DCBLD2: variants seen among roughly 807,000 people sequenced by gnomAD.
DCBLD2 encodes the protein discoidin, CUB and LCCL domain-containing protein 2.
In DCBLD2, 54 loss-of-function variants were observed where a neutral mutation model predicts 86.8. The observed-to-expected ratio is 0.62, with a 90% confidence interval of 0.50 to 0.78. The LOEUF (loss-of-function observed/expected upper bound fraction) is 0.78, where lower values mean the gene tolerates loss of function less well. DCBLD2 is among the 30% of genes least tolerant of loss of function. DCBLD2 has a pLI of 0.00. For missense variants in DCBLD2, 908 were observed against 954.2 expected (o/e 0.95, Z 0.64); for synonymous variants, 354 against 341.3 (o/e 1.04, Z -0.41).
chr3:98,803,079 T>G (rs937684873), intron 13 of DCBLD2, among the ~76,000 whole-genome samples: 15 of 152,330 alleles, frequency 9.8e-5, no homozygotes, highest in Non-Finnish European at 1.8e-4. Context: ...TTTCCAATTT[T>G]GTGAAGAAAG....
At chr3:98,859,539 T>C (rs1262630111) in intron 2 of DCBLD2, among the ~76,000 whole-genome samples, 1 of 152,142 alleles carries the variant, frequency 6.6e-6, no homozygotes, top group East Asian at 1.9e-4. Flanking sequence ...TCCAGAGGAA[T>C]GATCAGGCAG....
chr3:98,881,917 A>T, intron 1 of DCBLD2, 150 bp from the exon 2 acceptor site: 2 of 770,266 alleles, frequency 2.6e-6, no homozygotes, highest in Non-Finnish European at 4.1e-6. Flanking sequence ...TGGACAAATA[A>T]TTGTACATAC....
chr3:98,828,057 A>C (rs828623), intron 3 of DCBLD2, among the ~76,000 whole-genome samples: 147,946 of 152,278 alleles, frequency 0.97, 72,032 homozygotes, highest in East Asian at 1. Flanking sequence ...CCGTACCTCA[A>C]ACTACATACA....
chr3:98,887,309 A>G (rs1943580711), intron 1 of DCBLD2, among the ~76,000 whole-genome samples: 1 of 151,994 alleles, frequency 6.6e-6, no homozygotes, highest in South Asian at 2.1e-4. Context: ...ACGAAACAGA[A>G]AAGTGTTCAG....
At chr3:98,870,806 A>AAAGAAAGAAAGGAAGAAAGAAAGG (rs1559794673) in intron 2 of DCBLD2, among the ~76,000 whole-genome samples, 3 of 123,300 alleles carry the variant, frequency 2.4e-5, no homozygotes, top group African/African-American at 3.1e-5. Context: ...AGAAAGAAAG[A>AAAGAAAGAAAGGAAGAAAGAAAGG]AAGAAAGGTA....
At chr3:98,867,971 T>G (rs142772410) in intron 2 of DCBLD2, among the ~76,000 whole-genome samples, 2,602 of 152,050 alleles carry the variant, frequency 0.017, 35 homozygotes, top group Middle Eastern at 0.054. Flanking sequence ...CCCGGCTACT[T>G]TTTTTGTATT....
At chr3:98,846,162 G>A (rs1385567485) in intron 3 of DCBLD2, among the ~76,000 whole-genome samples, 1 of 152,152 alleles carries the variant, frequency 6.6e-6, no homozygotes, top group Non-Finnish European at 1.5e-5. Context: ...AAGGTAATGA[G>A]AATTAGTCTA....
chr3:98,823,710 T>C (rs1019980347), intron 4 of DCBLD2, among the ~76,000 whole-genome samples: 1 of 152,226 alleles, frequency 6.6e-6, no homozygotes, highest in Admixed American at 6.5e-5. Flanking sequence ...GTAAACTTAA[T>C]GAATTGCCAG....
chr3:98,870,879 T>C (rs1027025165), intron 2 of DCBLD2, among the ~76,000 whole-genome samples: 13 of 152,208 alleles, frequency 8.5e-5, no homozygotes, highest in Non-Finnish European at 1.5e-4. Flanking sequence ...TTGGGCAGTA[T>C]GGTCATTTTC....
chr3:98,859,615 G>C (rs1012247074), intron 2 of DCBLD2, among the ~76,000 whole-genome samples: 4 of 152,202 alleles, frequency 2.6e-5, no homozygotes, highest in East Asian at 3.8e-4. Context: ...AGGCAAACAG[G>C]GTCTGGAGTG....
In DCBLD2 at chr3:98,819,222, T is replaced by G; in HGVS notation, c.1067A>C (p.Asn356Thr). 1 of 1,579,804 alleles carries G rather than the reference T, an allele frequency of 6.3e-7. No homozygotes were observed. Among genetic ancestry groups the G allele is most frequent in the East Asian group, 2.3e-5 (1 of 43,874 alleles). ...DEYQWLQIDL[N>T]KEKKITGIIT... ...TTAACCTGTTATTTTCTTTTCCTTA[T>G]TCAAATCTATTTGTAACCACTGGTA... Residue 356 changes from asparagine to threonine, a missense_variant, in exon 8 of 16, where the codon AAT becomes ACT. Asn to Thr is a moderately conservative substitution (Grantham distance 65). Around this residue, in one of 3 missense-constraint regions of DCBLD2, gnomAD observed 606 missense variants for 678.5 expected, o/e 0.89. Transcript: ENST00000326840.
At chr3:98,895,237 G>C (rs747246798) in intron 1 of DCBLD2, 9 of 152,302 alleles carry the variant, frequency 5.9e-5, no homozygotes, top group Non-Finnish European at 1.3e-4. Flanking sequence ...TACATGATAC[G>C]CAAAGGAGTT....
intron 1 of DCBLD2, among the ~76,000 whole-genome samples, chr3:98,894,914 T>C (rs1219106935): frequency 6.6e-6 from 1 of 151,868 alleles, no homozygotes; most frequent in Non-Finnish European, 1.5e-5. Context: ...TAGAATACAG[T>C]GTGGAATGTA....
chr3:98,843,853 C>A (rs1398293477), intron 3 of DCBLD2, among the ~76,000 whole-genome samples: 1 of 152,114 alleles, frequency 6.6e-6, no homozygotes, highest in Non-Finnish European at 1.5e-5. Context: ...CATTATTTCA[C>A]ATGAAATTTT....
At chr3:98,846,547 A>C (rs1037571112) in intron 3 of DCBLD2, among the ~76,000 whole-genome samples, 1 of 152,228 alleles carries the variant, frequency 6.6e-6, no homozygotes, top group African/African-American at 2.4e-5. Flanking sequence ...TTCAGATAAA[A>C]CAAATGCTTG....
chr3:98,819,436 T>A lies in DCBLD2; in HGVS notation c.872-19A>T, dbSNP rs779713630. On this transcript the variant is annotated intron_variant, in intron 7 of 15. Transcript: ENST00000326840. ...TAACATCCTGAAACAAAGAAAAGACTAAATTTGGTTTCCAGGTATAATTTC... is the reference window on the plus strand; with the variant it reads ...TAACATCCTGAAACAAAGAAAAGACAAAATTTGGTTTCCAGGTATAATTTC... 1.2e-6 allele frequency: 2 copies of A among 1,613,192 alleles called. No individual in the cohort carries two copies. The highest frequency in any genetic ancestry group is 4.5e-5 in the East Asian group (2 of 44,876).
chr3:98,839,157 T>TTC (rs376370581), intron 3 of DCBLD2, among the ~76,000 whole-genome samples: 27,157 of 69,240 alleles, frequency 0.39, 2,838 homozygotes, highest in South Asian at 0.47. Context: ...CTTTCTTTCT[T>TTC]TCTTTCTTTC....
chr3:98,876,595 AT>A (rs1943376142), intron 2 of DCBLD2, among the ~76,000 whole-genome samples: 1 of 152,198 alleles, frequency 6.6e-6, no homozygotes, highest in African/African-American at 2.4e-5. Context: ...GAAAACAAGC[AT>A]TTTTATGCTA....
At chr3:98,833,188 G>A (rs1942354044) in intron 3 of DCBLD2, among the ~76,000 whole-genome samples, 1 of 151,986 alleles carries the variant, frequency 6.6e-6, no homozygotes, top group Non-Finnish European at 1.5e-5. Flanking sequence ...CAGTCTTCAA[G>A]TTCCAAGATT....
Sources: allele counts gnomAD v4.1 joint callset (sites outside exome capture counted in the v4.1 genomes callset), GRCh38; gene constraint gnomAD v4.1.1; regional missense constraint gnomAD v4.1.1; transcripts MANE v1.5; gene names NCBI Gene and HGNC (gene_info 2026-07-23, HGNC 2026-07-21).